Variants in ZER1 observed in about 807,000 individuals in gnomAD.
ZER1 encodes the protein zyg-11 related cell cycle regulator.
Under a neutral mutation model 78.8 loss-of-function variants are expected in ZER1, and 11 were observed. The ratio of observed to expected loss-of-function variants is 0.14; its 90% CI spans 0.09 to 0.23. ZER1 has a LOEUF of 0.23. ZER1 is among the 10% of genes least tolerant of loss of function. The pLI is 1.00. For missense variants in ZER1, 588 were observed against 996.9 expected (o/e 0.59, Z 5.52); for synonymous variants, 400 against 407.0 (o/e 0.98, Z 0.21).
At chr9:128,741,957 A>G in intron 9 of ZER1, 116 bp from the exon 10 acceptor site, 1 of 1,331,494 alleles carries the variant, frequency 7.5e-7, no homozygotes, top group Non-Finnish European at 1.1e-6. Flanking sequence ...AGTCTTGACG[A>G]GATCAAGTCT....
rs73618068 is a variant in ZER1 at position 128,750,652 on chromosome 9, C to T, written c.1323G>A (p.Val441=). The T allele has an allele frequency of 8.1e-6, 13 of 1,614,232 alleles. No individual in the cohort carries two copies. The highest frequency in any genetic ancestry group is 1.1e-5 in the Non-Finnish European group (13 of 1,180,040). The stretch of plus-strand genomic sequence containing the variant: ...GGTAGGATTCCATGCCATTCAGCAC[C>T]ACCTGGATAACCTGCCGGCGCAGCT... ...SVKLRRQVIQ[V]VLNGMESYQE... Residue 441 remains valine (V), a synonymous_variant, in exon 8 of 16, where the codon GTG becomes GTA. Coordinates refer to ENST00000291900, the MANE Select transcript of ZER1 (RefSeq NM_006336.4).
intron 10 of ZER1, 29 bp from the exon 11 acceptor site, chr9:128,741,683 G>A: frequency 6.2e-7 from 1 of 1,614,076 alleles, no homozygotes; most frequent in African/African-American, 1.3e-5. Flanking sequence ...GCTCAGCCAA[G>A]GCTCCTGGTA....
intron 11 of ZER1, 112 bp downstream of exon 11, chr9:128,741,423 C>G: frequency 6.6e-7 from 1 of 1,516,138 alleles, no homozygotes; most frequent in Non-Finnish European, 9.0e-7. Flanking sequence ...CTGCCCTTCT[C>G]CAGGAAGCAT....
At chr9:128,738,848 ATTTTT>A (rs71381801) in intron 13 of ZER1, among the ~76,000 whole-genome samples, 7 of 58,522 alleles carry the variant, frequency 1.2e-4, no homozygotes, top group Admixed American at 2.0e-4. Flanking sequence ...CACCCAGCTC[ATTTTT>A]TTTTTTTTTT....
At position 128,753,914 on chromosome 9, in the gene ZER1, C is replaced by T; in HGVS notation, c.204G>A (p.Glu68=). Residue 68 remains glutamate (E), a synonymous_variant, in exon 3 of 16, where the codon GAG becomes GAA. Coordinates refer to ENST00000291900, the MANE Select transcript of ZER1 (RefSeq NM_006336.4). This position sits in a 1 kb window ranked among gnomAD's most constrained non-coding sequence, Gnocchi z 7.5. ...GGTCCGAAAAGAGGCTGAAGAAGCT[C>T]TCGTGTGGCTCGAAGTTACAGGCAG... ...VNAACNFEPH[E]SFFSLFSDPR... is the part of the protein sequence containing the mutation. 1 of 1,594,512 alleles carries T rather than the reference C, an allele frequency of 6.3e-7. No homozygotes were observed. The highest frequency in any genetic ancestry group is 8.5e-7 in the Non-Finnish European group (1 of 1,171,132).
chr9:128,739,608 C>A (rs1250701919), intron 13 of ZER1, among the ~76,000 whole-genome samples: 1 of 152,122 alleles, frequency 6.6e-6, no homozygotes, highest in Non-Finnish European at 1.5e-5. Context: ...GTGCCCGGCC[C>A]ACCTGTATGG....
chr9:128,733,528 G>C lies in ZER1; in HGVS notation c.2141C>G (p.Pro714Arg), dbSNP rs1392263513. The C allele has an allele frequency of 1.2e-6, 2 of 1,612,250 alleles. No homozygotes were observed. Among genetic ancestry groups the C allele is most frequent in the South Asian group, 2.2e-5 (2 of 90,650 alleles). ...GATCAGCAGAGGGCAGTACTTGTCCGCTGTGGGATAGGAGCAGACAGCAGA... is the reference window on the plus strand; with the variant it reads ...GATCAGCAGAGGGCAGTACTTGTCCCCTGTGGGATAGGAGCAGACAGCAGA... Reference protein sequence around the residue: ...WALYNLVSVYPDKYCPLLIKE... With the variant: ...WALYNLVSVYRDKYCPLLIKE... The change falls in exon 15 of 16, where the codon CCG becomes CGG. Residue 714 changes from proline to arginine, a missense_variant and splice_region_variant. This residue lies in a region of ZER1 where 122 missense variants were observed against 173.5 expected (regional missense o/e 0.70). Transcript: ENST00000291900.
chr9:128,741,695 C>G lies in ZER1; in HGVS notation c.1618-41G>C, dbSNP rs779663454. ...AGGGCTCAGCCAAGGCTCCTGGTAC[C>G]CGGGGAGGGGGGCCCCTGACAAAAC... On this transcript the variant is annotated intron_variant, in intron 10 of 15. Coordinates refer to ENST00000291900, the MANE Select transcript of ZER1 (RefSeq NM_006336.4). 10 of 1,613,860 alleles carry G rather than the reference C, an allele frequency of 6.2e-6. No individual in the cohort carries two copies. The East Asian group carries it at 8.9e-5, about 14-fold the overall frequency.
chr9:128,733,157 G>C, intron 15 of ZER1: 1 of 416,936 alleles, frequency 2.4e-6, no homozygotes, highest in Non-Finnish European at 4.4e-6. Flanking sequence ...ATAAAAGGAT[G>C]GAATTTGTTG....
intron 5 of ZER1, among the ~76,000 whole-genome samples, chr9:128,752,149 C>G (rs1863699621): frequency 6.6e-6 from 1 of 152,132 alleles, no homozygotes. Context: ...CCCTCCTCCT[C>G]CTTCCTTCCT....
intron 1 of ZER1, among the ~76,000 whole-genome samples, chr9:128,758,252 T>A (rs1366999363): frequency 6.6e-6 from 1 of 151,452 alleles, no homozygotes; most frequent in African/African-American, 2.4e-5. Context: ...CCCGAATACC[T>A]GGGATTACAA....
At chr9:128,749,769 C>T (rs927480568) in intron 8 of ZER1, among the ~76,000 whole-genome samples, 4 of 138,496 alleles carry the variant, frequency 2.9e-5, no homozygotes, top group African/African-American at 1.1e-4. Flanking sequence ...GCTGGCCAGG[C>T]GCAGTGGCTC....
intron 8 of ZER1, among the ~76,000 whole-genome samples, chr9:128,749,599 AC>A (rs2132437921): frequency 6.7e-6 from 1 of 150,304 alleles, no homozygotes; most frequent in East Asian, 2.0e-4. Flanking sequence ...ACATGGCAAA[AC>A]CCCGTCTCTA....
Position 128,751,516 on chromosome 9 carries a change from G to C in ZER1, c.935C>G (p.Ser312Cys), listed in dbSNP as rs747861543. ...CCGGAAAGGTATGATGCTGCTCTTGGAAGGCTCAATGCTGGGGAAAGAGGG... is the reference window on the plus strand; with the variant it reads ...CCGGAAAGGTATGATGCTGCTCTTGCAAGGCTCAATGCTGGGGAAAGAGGG... The part of the protein sequence containing the change: ...EEAGQTSIEP[S>C]KSSIIPFRAL... The change falls in exon 6 of 16, where the codon TCC becomes TGC. Residue 312 changes from serine to cysteine, a missense_variant. Around this residue, in one of 3 missense-constraint regions of ZER1, gnomAD observed 406 missense variants for 660.1 expected, o/e 0.62. Transcript: ENST00000291900. This position sits in a 1 kb window ranked among gnomAD's most constrained non-coding sequence, Gnocchi z 5.4. The C allele has an allele frequency of 2.5e-6, 4 of 1,613,476 alleles. No individual in the cohort carries two copies. The highest frequency in any genetic ancestry group is 2.2e-5 in the South Asian group (2 of 91,086).
At chr9:128,769,308 C>T (rs903817547) in intron 1 of ZER1, among the ~76,000 whole-genome samples, 5 of 152,216 alleles carry the variant, frequency 3.3e-5, no homozygotes, top group African/African-American at 1.2e-4. Context: ...TCCTCATCAG[C>T]GTGACCGCTA....
At chr9:128,752,880 G>T in intron 4 of ZER1, 31 bp from the exon 5 acceptor site, 3 of 1,603,226 alleles carry the variant, frequency 1.9e-6, no homozygotes, top group Non-Finnish European at 2.6e-6. Flanking sequence ...TGCAGGTTAG[G>T]AGCTGGGTAC....
Position 128,750,733 on chromosome 9 carries a change from G to A in ZER1, c.1242C>T (p.Gly414=). 1.9e-6 allele frequency: 3 copies of A among 1,614,228 alleles called. No homozygotes were observed. The highest frequency in any genetic ancestry group is 1.1e-5 in the South Asian group (1 of 91,088). Residue 414 remains glycine, a synonymous_variant, in exon 8 of 16, where the codon GGC becomes GGT. Coordinates refer to ENST00000291900, the MANE Select transcript of ZER1 (RefSeq NM_006336.4). ...HKYDRNIQVT[G]SAALFYLTNS... ...TTGTTAGGTAGAAGAGAGCGGCGCT[G>A]CCTGTCACTTGAATGTTCCTGTCAT...
chr9:128,731,273 T>C lies in ZER1; in HGVS notation c.*64A>G. The C allele has an allele frequency of 5.1e-6, 8 of 1,563,042 alleles. No individual in the cohort carries two copies. The highest frequency in any genetic ancestry group is 7.0e-6 in the Non-Finnish European group (8 of 1,141,382). On this transcript the variant is annotated 3_prime_UTR_variant, in exon 16 of 16. Coordinates refer to ENST00000291900, the MANE Select transcript of ZER1 (RefSeq NM_006336.4). ...CTCGGAAGGGGCCCGCCCGCTGGGC[T>C]GCTTGAGCATGCTTCCTCCCCGCCT... is the stretch of plus-strand genomic sequence containing the variant.
chr9:128,747,740 AG>A (rs1052659961), intron 8 of ZER1, among the ~76,000 whole-genome samples: 15 of 151,788 alleles, frequency 9.9e-5, no homozygotes, highest in African/African-American at 3.1e-4. Flanking sequence ...TAGCCTCCGG[AG>A]TGGAGTAGCT....
Sources: allele counts gnomAD v4.1 joint callset (sites outside exome capture counted in the v4.1 genomes callset), GRCh38; gene constraint gnomAD v4.1.1; regional missense constraint gnomAD v4.1.1; non-coding constraint Gnocchi (gnomAD v3.1); transcripts MANE v1.5; gene names NCBI Gene and HGNC (gene_info 2026-07-23, HGNC 2026-07-21).